Variants in CSMD3 observed in about 807,000 individuals in gnomAD.
CSMD3 encodes the protein CUB and Sushi multiple domains 3, also known as CUB and sushi domain-containing protein 3.
In CSMD3, 177 loss-of-function variants were observed where a neutral mutation model predicts 435.2. The observed-to-expected ratio is 0.41, with a 90% confidence interval of 0.36 to 0.46. CSMD3 has a LOEUF of 0.46. Ranked by LOEUF, CSMD3 falls within the 20% of genes least tolerant of loss-of-function variation. CSMD3 has a pLI of 0.34. For synonymous variants in CSMD3, 1,656 were observed against 1,520.5 expected (o/e 1.09, Z -2.07); for missense variants, 4,265 against 4,504.6 (o/e 0.95, Z 1.52).
intron 20 of CSMD3, among the ~76,000 whole-genome samples, chr8:112,644,149 T>A (rs186459813): frequency 4.0e-5 from 6 of 151,874 alleles, no homozygotes; most frequent in Admixed American, 2.0e-4. Context: ...CCCATGGAGA[T>A]TTTCAAGTAA....
chr8:112,239,215 GTC>G (rs1157708625), intron 66 of CSMD3, among the ~76,000 whole-genome samples: 1 of 151,992 alleles, frequency 6.6e-6, no homozygotes, highest in Non-Finnish European at 1.5e-5. Context: ...CATCCCTGGA[GTC>G]TCTCTGAATC....
intron 11 of CSMD3, among the ~76,000 whole-genome samples, chr8:112,850,752 G>T (rs1564023657): frequency 6.6e-6 from 1 of 152,260 alleles, no homozygotes; most frequent in Non-Finnish European, 1.5e-5. Flanking sequence ...TCTACACAAT[G>T]AAGAAAAGTT....
intron 17 of CSMD3, among the ~76,000 whole-genome samples, chr8:112,660,491 A>T (rs993847746): frequency 6.6e-6 from 1 of 152,204 alleles, no homozygotes; most frequent in African/African-American, 2.4e-5. Flanking sequence ...TATGGAATAT[A>T]GACAGCCCTC....
chr8:112,279,388 T>C (rs1451169620), intron 59 of CSMD3, among the ~76,000 whole-genome samples: 1 of 152,176 alleles, frequency 6.6e-6, no homozygotes, highest in Non-Finnish European at 1.5e-5. Context: ...ACATTGAAAC[T>C]GTTGCTTTGC....
At chr8:113,027,042 A>T (rs1222765982) in intron 5 of CSMD3, among the ~76,000 whole-genome samples, 1 of 152,164 alleles carries the variant, frequency 6.6e-6, no homozygotes, top group African/African-American at 2.4e-5. Context: ...AAATTTCTCC[A>T]AGTGTGTTCT....
At chr8:112,470,822 A>G (rs1818446292) in intron 32 of CSMD3, among the ~76,000 whole-genome samples, 1 of 152,104 alleles carries the variant, frequency 6.6e-6, no homozygotes, top group Non-Finnish European at 1.5e-5. Context: ...CTTAAAATGA[A>G]GAATGATGCA....
rs563861372 is a variant in CSMD3 at position 112,790,415 on chromosome 8, CA to C, written c.1972+9746del. On this transcript the variant is annotated intron_variant, in intron 13 of 70. Coordinates refer to ENST00000297405, the MANE Select transcript of CSMD3 (RefSeq NM_198123.2). ...AGAAAAAGAAAGATGTTTCCAGTTT[CA>C]AAAAAAAAAAATCAGTTCCTCACAA... Among the ~76,000 whole-genome samples, 435 of 140,584 alleles carry C rather than the reference CA, an allele frequency of 3.1e-3. 1 individual carries two copies. The highest frequency in any genetic ancestry group is 4.1e-3 in the Non-Finnish European group (262 of 64,138). 92.2% of individuals were successfully genotyped at this position (140,584 alleles called of 152,430 possible).
intron 13 of CSMD3, among the ~76,000 whole-genome samples, chr8:112,729,517 T>G (rs2077032810): frequency 6.6e-6 from 1 of 152,144 alleles, no homozygotes; most frequent in African/African-American, 2.4e-5. Context: ...AAAAGATGTC[T>G]ATGTCAATCT....
chr8:112,997,860 GTGTA>G, intron 6 of CSMD3, among the ~76,000 whole-genome samples: 1 of 80,026 alleles, frequency 1.2e-5, no homozygotes, highest in Admixed American at 1.3e-4. Context: ...ATGTATATGT[GTGTA>G]TATATATATA....
chr8:112,951,837 A>G (rs141355292), intron 8 of CSMD3, among the ~76,000 whole-genome samples: 249 of 151,686 alleles, frequency 1.6e-3, no homozygotes, highest in African/African-American at 5.9e-3. Flanking sequence ...ATAATTCCAC[A>G]ATAATATTCT....
At chr8:113,359,840 G>C (rs1004024017) in intron 1 of CSMD3, among the ~76,000 whole-genome samples, 4 of 152,144 alleles carry the variant, frequency 2.6e-5, no homozygotes, top group Non-Finnish European at 5.9e-5. Context: ...GAGATGGTGG[G>C]ATACAACCTA....
intron 61 of CSMD3, among the ~76,000 whole-genome samples, chr8:112,258,866 C>CCCT (rs1439794366): frequency 2.0e-5 from 3 of 152,036 alleles, no homozygotes; most frequent in African/African-American, 7.2e-5. Flanking sequence ...GGTGAAACCC[C>CCCT]ATCTCTACTA....
intron 3 of CSMD3, among the ~76,000 whole-genome samples, chr8:113,216,683 A>G (rs2092909936): frequency 6.6e-6 from 1 of 151,952 alleles, no homozygotes; most frequent in Non-Finnish European, 1.5e-5. Context: ...AAAATCACAA[A>G]AAGTGATACC....
intron 3 of CSMD3, among the ~76,000 whole-genome samples, chr8:113,218,091 A>T (rs1004334726): frequency 7.0e-6 from 1 of 141,978 alleles, no homozygotes; most frequent in African/African-American, 2.7e-5. Flanking sequence ...TCAGCACTTT[A>T]AATATGCTAT....
intron 13 of CSMD3, among the ~76,000 whole-genome samples, chr8:112,718,515 G>GTATATATATATATA (rs35810260): frequency 1.8e-3 from 254 of 140,426 alleles, no homozygotes; most frequent in African/African-American, 6.1e-3. Flanking sequence ...GTATATATAT[G>GTATATATATATATA]TATATATATA....
chr8:112,623,501 G>A (rs1834237776), intron 22 of CSMD3, among the ~76,000 whole-genome samples: 1 of 151,948 alleles, frequency 6.6e-6, no homozygotes, highest in South Asian at 2.1e-4. Flanking sequence ...GAACTTCATT[G>A]ATGAGAATAT....
At chr8:113,418,416 G>T (rs1372091786) in intron 1 of CSMD3, among the ~76,000 whole-genome samples, 1 of 152,094 alleles carries the variant, frequency 6.6e-6, no homozygotes, top group Non-Finnish European at 1.5e-5. Flanking sequence ...CGTGATTTTT[G>T]CAGCGTGGCA....
intron 42 of CSMD3, among the ~76,000 whole-genome samples, 168 bp downstream of exon 42, chr8:112,341,309 C>T (rs1369451377): frequency 6.6e-6 from 1 of 151,394 alleles, no homozygotes; most frequent in Non-Finnish European, 1.5e-5. Context: ...GTGTAGTTCC[C>T]AGAGAGTTGC....
intron 3 of CSMD3, among the ~76,000 whole-genome samples, chr8:113,242,130 A>G (rs962101008): frequency 5.3e-5 from 8 of 151,868 alleles, no homozygotes; most frequent in Admixed American, 5.3e-4. Flanking sequence ...TTAATAAGGA[A>G]CAATTATGAA....
Sources: allele counts gnomAD v4.1 joint callset (sites outside exome capture counted in the v4.1 genomes callset), GRCh38; gene constraint gnomAD v4.1.1; transcripts MANE v1.5; gene names NCBI Gene and HGNC (gene_info 2026-07-23, HGNC 2026-07-21).